Variants in UNC79 observed in about 807,000 individuals in gnomAD.
UNC79 encodes the protein protein unc-79 homolog.
UNC79 carries 37 observed loss-of-function variants against 283.1 expected under a neutral mutation model. That is an observed-to-expected ratio of 0.13 (90% confidence interval 0.10 to 0.17). The LOEUF (loss-of-function observed/expected upper bound fraction) is 0.17. Among genes scored for constraint, UNC79 ranks in the 10% least tolerant of loss-of-function variants. The probability of loss-of-function intolerance (pLI) is 1.00; values close to 1 mark genes in which losing one functional copy is unlikely to be tolerated. For synonymous variants in UNC79, 1,107 were observed against 1,200.2 expected, an observed-to-expected ratio of 0.92 and a Z score of 1.61; for missense variants, 2,272 against 3,211.1, an observed-to-expected ratio of 0.71 and a Z score of 7.07.
chr14:93,416,327 A>G (rs75913607), intron 1 of UNC79, among the ~76,000 whole-genome samples: 94,173 of 137,500 alleles, frequency 0.68, 32,493 homozygotes, highest in Middle Eastern at 0.77. Flanking sequence ...GTAGTTGAGC[A>G]GTTTTGAGTG....
intron 47 of UNC79, among the ~76,000 whole-genome samples, chr14:93,697,766 T>G (rs1026736094): frequency 1.3e-5 from 2 of 152,088 alleles, no homozygotes; most frequent in Admixed American, 6.6e-5. Context: ...AAAAAAAAGA[T>G]TTTTTTAATT....
intron 1 of UNC79, among the ~76,000 whole-genome samples, chr14:93,342,003 G>C (rs1203104299): frequency 2.0e-5 from 3 of 152,170 alleles, no homozygotes; most frequent in Non-Finnish European, 4.4e-5. Flanking sequence ...GGTGCATGGT[G>C]CAAGCTGTTG....
At chr14:93,396,663 G>A (rs2140019045) in intron 1 of UNC79, among the ~76,000 whole-genome samples, 1 of 152,018 alleles carries the variant, frequency 6.6e-6, no homozygotes, top group African/African-American at 2.4e-5. Context: ...ATTCTATGTG[G>A]CTATTGAAGT....
At chr14:93,668,520 G>C (rs905437086) in intron 40 of UNC79, among the ~76,000 whole-genome samples, 13 of 151,846 alleles carry the variant, frequency 8.6e-5, no homozygotes, top group South Asian at 2.1e-4. Context: ...AGACCAGCCT[G>C]GGCAACAAGG....
chr14:93,466,281 G>T (rs1297531595), intron 1 of UNC79, among the ~76,000 whole-genome samples: 1 of 152,228 alleles, frequency 6.6e-6, no homozygotes, highest in African/African-American at 2.4e-5. Context: ...GTGTATGTAG[G>T]ATTTAGAATC....
chr14:93,634,395 C>A, intron 31 of UNC79, 126 bp from the exon 34 acceptor site: 1 of 689,702 alleles, frequency 1.4e-6, no homozygotes, highest in Non-Finnish European at 2.5e-6. Flanking sequence ...TGAACAGAAG[C>A]ATACAATTTA....
rs113409423 is a variant in UNC79, at chr14:93,701,576, A to G, written c.7549-3049A>G. Among the ~76,000 whole-genome samples the G allele has an allele frequency of 6.8e-3, 1,035 of 152,354 alleles. 14 individuals carry two copies. Among genetic ancestry groups the G allele is most frequent in the African/African-American group, 0.024 (987 of 41,568 alleles). ...AAAGCCCAACCAACTTTACTCCATCATAACATTGCAGAGCCCAAAATAAAT... is the reference window on the plus strand; with the variant it reads ...AAAGCCCAACCAACTTTACTCCATCGTAACATTGCAGAGCCCAAAATAAAT... On this transcript the variant is annotated intron_variant, in intron 47 of 48. Transcript: ENST00000555664.
chr14:93,635,600 C>G (rs960473723), intron 31 of UNC79, among the ~76,000 whole-genome samples: 3 of 152,138 alleles, frequency 2.0e-5, no homozygotes, highest in Non-Finnish European at 4.4e-5. Context: ...TATTTATGTA[C>G]ATAATTTTAC....
At chr14:93,399,755 T>G (rs2055068546) in intron 1 of UNC79, among the ~76,000 whole-genome samples, 1 of 152,030 alleles carries the variant, frequency 6.6e-6, no homozygotes, top group Non-Finnish European at 1.5e-5. Context: ...TAGTAGAGGG[T>G]TTATTGTGAG....
At chr14:93,412,987 A>G (rs2055366826) in intron 1 of UNC79, among the ~76,000 whole-genome samples, 1 of 152,200 alleles carries the variant, frequency 6.6e-6, no homozygotes, top group Non-Finnish European at 1.5e-5. Flanking sequence ...ACAAAAAAAC[A>G]CAGAGTATTA....
In UNC79 at chr14:93,477,547, T is replaced by C. The variant is rs1342877456; in HGVS notation, c.449-11T>C. On this transcript the variant is annotated splice_polypyrimidine_tract_variant and intron_variant, in intron 3 of 48. Transcript: ENST00000555664. ...ATATTCAGTGACTGATTACTCAATT[T>C]TGTTTTGTAGATCTTGGACAGTCGA... is the stretch of plus-strand genomic sequence containing the variant. 9 of 1,567,552 alleles carry C rather than the reference T, an allele frequency of 5.7e-6. No homozygotes were observed. Among genetic ancestry groups the C allele is most frequent in the Non-Finnish European group, 7.8e-6 (9 of 1,160,414 alleles).
intron 5 of UNC79, 114 bp downstream of exon 5, chr14:93,487,869 G>GA: frequency 1.0e-6 from 1 of 954,174 alleles, no homozygotes; most frequent in Non-Finnish European, 1.5e-6. Context: ...GAGATGTGTA[G>GA]AAAACAGACT....
intron 31 of UNC79, among the ~76,000 whole-genome samples, chr14:93,632,255 T>A (rs1462370270): frequency 1.3e-5 from 2 of 152,252 alleles, no homozygotes; most frequent in Non-Finnish European, 2.9e-5. Context: ...TTTGCCCTTT[T>A]GGTAGCAAAG....
intron 47 of UNC79, among the ~76,000 whole-genome samples, chr14:93,696,321 A>G (rs2075123551): frequency 6.6e-6 from 1 of 152,172 alleles, no homozygotes; most frequent in South Asian, 2.1e-4. Flanking sequence ...ATGTTGGGCA[A>G]ATACCTAGGA....
At chr14:93,631,295 C>T (rs1185490794) in intron 31 of UNC79, among the ~76,000 whole-genome samples, 1 of 152,104 alleles carries the variant, frequency 6.6e-6, no homozygotes, top group Non-Finnish European at 1.5e-5. Context: ...ATTTGAGTCG[C>T]CTCCATCATT....
chr14:93,613,782 G>T lies in UNC79; in HGVS notation c.4041+699G>T, dbSNP rs546648615. On this transcript the variant is annotated intron_variant, in intron 27 of 48. Coordinates refer to ENST00000555664, the Ensembl canonical transcript of UNC79. ...TACTAACCAAAAATACTTAAATTTG[G>T]TTTGTTAATTCTATGTTAGAAATTA... Among the ~76,000 whole-genome samples, 15 of 152,108 alleles carry T rather than the reference G, an allele frequency of 9.9e-5. No homozygotes were observed. In the East Asian group the frequency reaches 2.1e-3, roughly 22 times the overall value.
chr14:93,390,080 A>C (rs558349002), intron 1 of UNC79, among the ~76,000 whole-genome samples: 1 of 152,272 alleles, frequency 6.6e-6, no homozygotes, highest in Non-Finnish European at 1.5e-5. Flanking sequence ...AATACTGGCA[A>C]ACTTCATCCA....
intron 20 of UNC79, among the ~76,000 whole-genome samples, chr14:93,583,803 C>CTCT (rs1376596985): frequency 7.9e-6 from 1 of 127,188 alleles, no homozygotes; most frequent in East Asian, 2.3e-4. Flanking sequence ...TGTTGGAGGT[C>CTCT]TTTTTTTTTT....
chr14:93,614,196 A>G (rs2066516398), intron 27 of UNC79, among the ~76,000 whole-genome samples: 1 of 152,168 alleles, frequency 6.6e-6, no homozygotes. Context: ...TTGTGTAACC[A>G]TCACAAGCAT....
Sources: allele counts gnomAD v4.1 joint callset (sites outside exome capture counted in the v4.1 genomes callset), GRCh38; gene constraint gnomAD v4.1.1; transcripts MANE v1.5; gene names NCBI Gene and HGNC (gene_info 2026-07-23, HGNC 2026-07-21).